The following CIB4 variants were observed in gnomAD, a reference collection of about 807,000 sequenced individuals.
The protein encoded by CIB4 is calcium and integrin-binding family member 4.
A neutral mutation model predicts 25.8 loss-of-function variants in CIB4; 25 were observed. That is an observed-to-expected ratio of 0.97 (90% CI 0.71 to 1.35). CIB4 has a LOEUF of 1.35. Among genes scored for constraint, CIB4 ranks in the 40% most tolerant of loss-of-function variants. The pLI is 0.00. For synonymous variants in CIB4, 75 were observed against 81.4 expected (o/e 0.92, Z 0.42); for missense variants, 235 against 228.2 (o/e 1.03, Z -0.19).
chr2:26,618,062 T>C (rs1669128892), intron 3 of CIB4, among the ~76,000 whole-genome samples: 1 of 152,102 alleles, frequency 6.6e-6, no homozygotes, highest in African/African-American at 2.4e-5. Context: ...TTGGAAAGTG[T>C]GGTGAGGTGG....
chr2:26,587,437 T>C (rs1668479699), intron 4 of CIB4, among the ~76,000 whole-genome samples: 1 of 152,046 alleles, frequency 6.6e-6, no homozygotes, highest in Non-Finnish European at 1.5e-5. Context: ...ACCTGTGTTA[T>C]ACTGTCTTTG....
intron 3 of CIB4, among the ~76,000 whole-genome samples, chr2:26,608,239 CAA>C (rs34295840): frequency 0.65 from 80,468 of 123,474 alleles, 27,439 homozygotes; most frequent in East Asian, 0.94. Flanking sequence ...GACTCTGTCT[CAA>C]AAAAAAAAAA....
intron 2 of CIB4, among the ~76,000 whole-genome samples, chr2:26,638,549 C>T (rs1246058205): frequency 6.6e-6 from 1 of 152,190 alleles, no homozygotes; most frequent in Non-Finnish European, 1.5e-5. Context: ...CCATGAATGC[C>T]ATTTGAAGCC....
intron 3 of CIB4, among the ~76,000 whole-genome samples, chr2:26,619,393 A>T (rs895889773): frequency 6.6e-6 from 1 of 152,098 alleles, no homozygotes; most frequent in Non-Finnish European, 1.5e-5. Context: ...ATGGAAAAGG[A>T]AAGTTGTGGG....
chr2:26,607,580 A>G (rs544497684), intron 3 of CIB4, among the ~76,000 whole-genome samples: 1 of 152,360 alleles, frequency 6.6e-6, no homozygotes, highest in Admixed American at 6.5e-5. Flanking sequence ...AAAATGGGTA[A>G]AGTCATAGCC....
chr2:26,614,107 G>C (rs897859814), intron 3 of CIB4, among the ~76,000 whole-genome samples: 1 of 152,222 alleles, frequency 6.6e-6, no homozygotes, highest in Non-Finnish European at 1.5e-5. Flanking sequence ...CTCATTAGGA[G>C]GCCCGAAGAG....
chr2:26,595,268 A>G lies in CIB4; in HGVS notation c.236T>C (p.Met79Thr), dbSNP rs758605178. 9 of 1,614,150 alleles carry G rather than the reference A, an allele frequency of 5.6e-6. No homozygotes were observed. The South Asian group carries it at 7.7e-5, about 14-fold the overall frequency. ...RICRVFSHKG[M>T]FSFEDVLGMA... ...GCCCAGCACATCCTCAAAGGAGAACATGCCTTTGTGGGAGAACACTCTGCA... is the reference window on the plus strand; with the variant it reads ...GCCCAGCACATCCTCAAAGGAGAACGTGCCTTTGTGGGAGAACACTCTGCA... Residue 79 changes from methionine to threonine, a missense_variant, in exon 4 of 7, where the codon ATG (methionine) becomes ACG (threonine). Physicochemically the swap from Met to Thr is moderately conservative, Grantham distance 81 (BLOSUM62 -1). Transcript: ENST00000288861.
chr2:26,584,342 C>A (rs1668410315), intron 4 of CIB4, among the ~76,000 whole-genome samples: 1 of 152,092 alleles, frequency 6.6e-6, no homozygotes, highest in African/African-American at 2.4e-5. Context: ...GCCAGGGTGT[C>A]TTTTGGTGGC....
At chr2:26,638,217 A>G (rs953658103) in intron 2 of CIB4, among the ~76,000 whole-genome samples, 1 of 152,168 alleles carries the variant, frequency 6.6e-6, no homozygotes, top group Non-Finnish European at 1.5e-5. Flanking sequence ...CAGCACTCAC[A>G]GGGACCCACC....
At chr2:26,617,636 G>C (rs1669119034) in intron 3 of CIB4, among the ~76,000 whole-genome samples, 1 of 152,172 alleles carries the variant, frequency 6.6e-6, no homozygotes, top group African/African-American at 2.4e-5. Flanking sequence ...AACAAGCCAG[G>C]GAGACTATCT....
chr2:26,612,782 G>T (rs1392022673), intron 3 of CIB4, among the ~76,000 whole-genome samples: 1 of 152,206 alleles, frequency 6.6e-6, no homozygotes, highest in African/African-American at 2.4e-5. Context: ...TTTCCTGAAG[G>T]TGGGGTGGCT....
intron 3 of CIB4, among the ~76,000 whole-genome samples, chr2:26,622,535 G>T (rs1173398624): frequency 6.6e-6 from 1 of 152,066 alleles, no homozygotes. Context: ...GAACTATCAA[G>T]AAGGGGTAAT....
At chr2:26,604,918 C>G (rs541601951) in intron 3 of CIB4, among the ~76,000 whole-genome samples, 1 of 152,296 alleles carries the variant, frequency 6.6e-6, no homozygotes, top group Admixed American at 6.5e-5. Context: ...GACTACCAAT[C>G]AACGGGACCC....
intron 3 of CIB4, among the ~76,000 whole-genome samples, chr2:26,625,890 C>G (rs1357086651): frequency 6.6e-6 from 1 of 152,206 alleles, no homozygotes; most frequent in Non-Finnish European, 1.5e-5. Flanking sequence ...AATCTTTAAT[C>G]TATCTTGAGT....
rs1341151587 is a variant in CIB4 at position 26,627,441 on chromosome 2, G to C, written c.186+1969C>G. The stretch of plus-strand genomic sequence containing the variant: ...CAGTCGTAGCATTCAGAGAGTCTGG[G>C]ACTGACCAGTGACCCTGCACCCACC... On this transcript the variant is annotated intron_variant, in intron 3 of 6. Transcript: ENST00000288861. The surrounding 1 kb of genome is among the most constrained non-coding windows in gnomAD (Gnocchi z 4.0). Among the ~76,000 whole-genome samples the C allele has an allele frequency of 6.6e-6, 1 of 152,190 alleles. No individual in the cohort carries two copies.
intron 4 of CIB4, among the ~76,000 whole-genome samples, chr2:26,587,123 A>G (rs1182221761): frequency 2.0e-5 from 3 of 151,878 alleles, no homozygotes; most frequent in Non-Finnish European, 1.5e-5. Flanking sequence ...TGGCTAACAC[A>G]GTGAAACCCC....
At chr2:26,609,791 A>C (rs1268886169) in intron 3 of CIB4, among the ~76,000 whole-genome samples, 1 of 152,228 alleles carries the variant, frequency 6.6e-6, no homozygotes, top group African/African-American at 2.4e-5. Context: ...CTTGTGGCTC[A>C]GGCTGGGAAC....
At chr2:26,581,465 T>G in intron 6 of CIB4, 72 bp from the exon 7 acceptor site, 1 of 1,460,406 alleles carries the variant, frequency 6.8e-7, no homozygotes, top group Non-Finnish European at 9.6e-7. Flanking sequence ...GGGTTCACAG[T>G]AGTCCTGGAG....
chr2:26,583,741 G>A lies in CIB4; in HGVS notation c.438+48C>T, dbSNP rs762027788. 4 of 1,266,330 alleles carry A rather than the reference G, an allele frequency of 3.2e-6. No homozygotes were observed. The African/African-American group carries it at 5.9e-5, about 19-fold the overall frequency. 78.4% of individuals were successfully genotyped at this position (1,266,330 alleles called of 1,614,324 possible). A position where few individuals can be genotyped will look rare whatever the true frequency, so the allele number is the denominator to read the frequency against. ...TCCGGGGGCTTTGGGTGACAACCTG[G>A]CCCCTATCCCCGGCCCCAGCCACCA... On this transcript the variant is annotated intron_variant, in intron 5 of 6. Transcript: ENST00000288861.
Sources: gnomAD v4.1 joint callset for allele counts (sites outside exome capture counted in the v4.1 genomes callset) on GRCh38, gnomAD v4.1.1 for gene constraint, Gnocchi (gnomAD v3.1) non-coding constraint, MANE v1.5 for transcripts, NCBI Gene and HGNC (gene_info 2026-07-23, HGNC 2026-07-21) for gene names.